Variants in PTPN4 observed in about 807,000 individuals in gnomAD.
The protein encoded by PTPN4 is tyrosine-protein phosphatase non-receptor type 4.
Under a neutral mutation model 135.5 loss-of-function variants are expected in PTPN4, and 49 were observed. The ratio of observed to expected loss-of-function variants is 0.36; its 90% confidence interval spans 0.29 to 0.46. PTPN4 has a LOEUF of 0.46. PTPN4 is among the 20% of genes least tolerant of loss of function. PTPN4 has a pLI of 1.00. For missense variants in PTPN4, 860 were observed against 1,101.0 expected (o/e 0.78, Z 3.10); for synonymous variants, 333 against 369.9 (o/e 0.90, Z 1.14).
chr2:119,945,247 A>C lies in PTPN4; in HGVS notation c.1515+7A>C, dbSNP rs1232709212. The C allele has an allele frequency of 6.6e-7, 1 of 1,521,574 alleles. No homozygotes were observed. The highest frequency in any genetic ancestry group is 1.4e-5 in the African/African-American group (1 of 69,878). 94.3% of individuals were successfully genotyped at this position (1,521,574 alleles called of 1,614,324 possible). A position where few individuals can be genotyped will look rare whatever the true frequency, so the allele number is the denominator to read the frequency against. On this transcript the variant is annotated splice_region_variant and intron_variant, in intron 16 of 26. Coordinates refer to ENST00000263708, the MANE Select transcript of PTPN4 (RefSeq NM_002830.4). ...TTCTCCTGAAAAACCCACTGTAAGTAGCTTCTTCAGATATTCTCATTTTTA... is the reference window on the plus strand; with the variant it reads ...TTCTCCTGAAAAACCCACTGTAAGTCGCTTCTTCAGATATTCTCATTTTTA...
chr2:119,765,914 CTGTG>C (rs61700411), intron 1 of PTPN4, among the ~76,000 whole-genome samples: 3 of 150,260 alleles, frequency 2.0e-5, no homozygotes, highest in African/African-American at 7.3e-5. Flanking sequence ...GTGTGTGAAT[CTGTG>C]TGTGTGTGTG....
chr2:119,762,399 T>C (rs539125847), intron 1 of PTPN4, among the ~76,000 whole-genome samples: 1 of 152,284 alleles, frequency 6.6e-6, no homozygotes, highest in Non-Finnish European at 1.5e-5. Flanking sequence ...ATTTGTATTT[T>C]TAAAATAGTT....
At chr2:119,760,871 CAAAAAAA>C (rs11288109) in intron 1 of PTPN4, among the ~76,000 whole-genome samples, 39 of 82,022 alleles carry the variant, frequency 4.8e-4, no homozygotes, top group African/African-American at 1.7e-3. Context: ...GTAGTTGAGC[CAAAAAAA>C]AAAAAAAAAA....
chr2:119,924,168 G>A (rs372962458), intron 12 of PTPN4, among the ~76,000 whole-genome samples: 1 of 150,102 alleles, frequency 6.7e-6, no homozygotes, highest in Non-Finnish European at 1.5e-5. Flanking sequence ...CAAGGGACTA[G>A]TGGGAGGAAG....
At position 119,967,834 on chromosome 2, in the gene PTPN4, T is replaced by C; in HGVS notation, c.2559-3T>C. The C allele has an allele frequency of 1.9e-6, 3 of 1,593,466 alleles. No homozygotes were observed. The highest frequency in any genetic ancestry group is 8.6e-7 in the Non-Finnish European group (1 of 1,167,916). On this transcript the variant is annotated splice_polypyrimidine_tract_variant and splice_region_variant and intron_variant, in intron 25 of 26. Coordinates refer to ENST00000263708, the MANE Select transcript of PTPN4 (RefSeq NM_002830.4). ...AGATCTTGCCTATATTTGTCTTTTTTAGTGCTGGAATCGGAAGAACTGGGG... is the reference window on the plus strand; with the variant it reads ...AGATCTTGCCTATATTTGTCTTTTTCAGTGCTGGAATCGGAAGAACTGGGG...
In PTPN4 at chr2:119,899,364, A is replaced by G. The variant is rs192743506; in HGVS notation, c.676-1354A>G. Among the ~76,000 whole-genome samples, 83 of 152,232 alleles carry G rather than the reference A, an allele frequency of 5.5e-4. No homozygotes were observed. The Middle Eastern group carries it at 0.01, about 19-fold the overall frequency. ...TTTTATCTATGGTAACTGAACTCGTACCTGAAAATTTCTTTTCTGTTTTTT... is the reference window on the plus strand; with the variant it reads ...TTTTATCTATGGTAACTGAACTCGTGCCTGAAAATTTCTTTTCTGTTTTTT... On this transcript the variant is annotated intron_variant, in intron 9 of 26. Coordinates refer to ENST00000263708, the MANE Select transcript of PTPN4 (RefSeq NM_002830.4).
At chr2:119,774,474 C>T (rs963527087) in intron 1 of PTPN4, among the ~76,000 whole-genome samples, 1 of 152,174 alleles carries the variant, frequency 6.6e-6, no homozygotes, top group African/African-American at 2.4e-5. Flanking sequence ...CTTTTTATCT[C>T]ACATTGAAAA....
intron 1 of PTPN4, among the ~76,000 whole-genome samples, chr2:119,784,571 T>C (rs1341598652): frequency 2.0e-5 from 3 of 151,634 alleles, no homozygotes; most frequent in African/African-American, 7.3e-5. Flanking sequence ...TATTTTTTAG[T>C]AGAGACAGGG....
intron 1 of PTPN4, among the ~76,000 whole-genome samples, chr2:119,783,657 T>C (rs1690987768): frequency 6.6e-6 from 1 of 152,246 alleles, no homozygotes; most frequent in African/African-American, 2.4e-5. Flanking sequence ...CAAGTACTAC[T>C]CTATTACTTT....
chr2:119,961,817 A>G (rs182817751), intron 23 of PTPN4, among the ~76,000 whole-genome samples: 6 of 152,290 alleles, frequency 3.9e-5, no homozygotes, highest in African/African-American at 1.4e-4. Context: ...ATTTATATGA[A>G]ATGTCCAGGA....
At chr2:119,901,497 G>A (rs192023352) in intron 10 of PTPN4, among the ~76,000 whole-genome samples, 13 of 152,242 alleles carry the variant, frequency 8.5e-5, no homozygotes, top group Admixed American at 7.2e-4. Flanking sequence ...CTTATGCCTT[G>A]CCAGGTCTAC....
rs116957921 is a variant in PTPN4 at position 119,772,925 on chromosome 2, C to T, written c.-18+12541C>T. 7.2e-5 allele frequency among the ~76,000 whole-genome samples: 11 copies of T among 152,264 alleles called. No individual in the cohort carries two copies. The East Asian group carries it at 2.1e-3, about 29-fold the overall frequency. ...GTTACTTAATGTAAGGTATCTGTGCCGTATCACCTGTCTGTGTCCCAGATA... is the reference window on the plus strand; with the variant it reads ...GTTACTTAATGTAAGGTATCTGTGCTGTATCACCTGTCTGTGTCCCAGATA... On this transcript the variant is annotated intron_variant, in intron 1 of 26. Coordinates refer to ENST00000263708, the MANE Select transcript of PTPN4 (RefSeq NM_002830.4).
chr2:119,845,243 A>AGGGGGAG (rs1677475348), intron 2 of PTPN4, among the ~76,000 whole-genome samples: 1 of 19,224 alleles, frequency 5.2e-5, no homozygotes, highest in Non-Finnish European at 1.1e-4. Context: ...GGAGAGGGAG[A>AGGGGGAG]GGGGGAGGGG....
In PTPN4 at chr2:119,850,254, G is replaced by C. The variant is rs78579517; in HGVS notation, c.139-12282G>C. The stretch of plus-strand genomic sequence containing the variant: ...TGGGGACAGTGTTCGGCTTCTCTTG[G>C]AGTGAAACTCCTGCCTTACAAGCAG... On this transcript the variant is annotated intron_variant, in intron 2 of 26. Coordinates refer to ENST00000263708, the MANE Select transcript of PTPN4 (RefSeq NM_002830.4). Among the ~76,000 whole-genome samples the C allele has an allele frequency of 3.2e-3, 491 of 152,296 alleles. 2 individuals are homozygous for C. The highest frequency in any genetic ancestry group is 0.011 in the African/African-American group (464 of 41,558).
At chr2:119,764,393 A>G (rs1008782870) in intron 1 of PTPN4, among the ~76,000 whole-genome samples, 1 of 152,182 alleles carries the variant, frequency 6.6e-6, no homozygotes, top group African/African-American at 2.4e-5. Context: ...ACTTCATCTC[A>G]TTAACCTTGT....
rs754483339 is a variant in PTPN4, at chr2:119,877,338, A to G, written c.262A>G (p.Asn88Asp). 6.2e-7 allele frequency: 1 copy of G among 1,611,702 alleles called. No homozygotes were observed. Among genetic ancestry groups the G allele is most frequent in the Admixed American group, 1.7e-5 (1 of 59,656 alleles). Residue 88 changes from asparagine to aspartate, a missense_variant, in exon 4 of 27, where the codon AAC (asparagine) becomes GAC (aspartate). Physicochemically the swap from Asn to Asp is conservative, Grantham distance 23. Coordinates refer to ENST00000263708, the MANE Select transcript of PTPN4 (RefSeq NM_002830.4). ...STDNPRWLDPNKPIRKQLKRG... is the reference protein window; with the variant it reads ...STDNPRWLDPDKPIRKQLKRG... ...TATTTTTCAGAGGTGGCTGGATCCAAACAAACCAATAAGGAAGCAGCTAAA... is the reference window on the plus strand; with the variant it reads ...TATTTTTCAGAGGTGGCTGGATCCAGACAAACCAATAAGGAAGCAGCTAAA...
intron 1 of PTPN4, among the ~76,000 whole-genome samples, chr2:119,765,522 T>A (rs1008242994): frequency 9.9e-5 from 15 of 152,236 alleles, no homozygotes; most frequent in Non-Finnish European, 2.1e-4. Context: ...TTGTTTTAAT[T>A]AATGTAATTT....
At chr2:119,831,057 G>A (rs945907265) in intron 2 of PTPN4, among the ~76,000 whole-genome samples, 1 of 152,146 alleles carries the variant, frequency 6.6e-6, no homozygotes, top group Non-Finnish European at 1.5e-5. Context: ...TCCATGGATG[G>A]GGGGTGGCAG....
At chr2:119,847,442 C>G (rs1449426599) in intron 2 of PTPN4, among the ~76,000 whole-genome samples, 2 of 151,536 alleles carry the variant, frequency 1.3e-5, no homozygotes, top group African/African-American at 2.4e-5. Context: ...ATTTTCCTGC[C>G]TCAGCCTCCT....
Sources: allele counts gnomAD v4.1 joint callset (sites outside exome capture counted in the v4.1 genomes callset), GRCh38; gene constraint gnomAD v4.1.1; transcripts MANE v1.5; gene names NCBI Gene and HGNC (gene_info 2026-07-23, HGNC 2026-07-21).